The following LRRC4C variants were observed in gnomAD, a reference collection of about 807,000 sequenced individuals.
LRRC4C encodes leucine rich repeat containing 4C.
Under a neutral mutation model 33.6 loss-of-function variants are expected in LRRC4C, and 5 were observed. The observed-to-expected ratio is 0.15, with a 90% CI of 0.08 to 0.31. The LOEUF is 0.31. LRRC4C is among the 10% of genes least tolerant of loss of function. The pLI is 1.00. For missense variants in LRRC4C, 560 were observed against 796.7 expected (o/e 0.70, Z 3.58); for synonymous variants, 329 against 302.0 (o/e 1.09, Z -0.93).
At chr11:41,118,964 T>C (rs890963057) in intron 1 of LRRC4C, among the ~76,000 whole-genome samples, 1 of 152,194 alleles carries the variant, frequency 6.6e-6, no homozygotes, top group Non-Finnish European at 1.5e-5. Flanking sequence ...TCTGCTTATT[T>C]CTTTTTATTT....
intron 1 of LRRC4C, among the ~76,000 whole-genome samples, chr11:41,367,862 T>C (rs1952602240): frequency 6.6e-6 from 1 of 150,856 alleles, no homozygotes; most frequent in South Asian, 2.1e-4. Context: ...GCCTTAATGA[T>C]TCATAATCCC....
At chr11:40,413,056 C>T (rs12222498) in intron 3 of LRRC4C, among the ~76,000 whole-genome samples, 50,119 of 151,564 alleles carry the variant, frequency 0.33, 9,761 homozygotes, top group South Asian at 0.46. Context: ...TTTATTTAGG[C>T]GAATTTATCT....
chr11:41,175,023 C>A (rs1945138258), intron 1 of LRRC4C, among the ~76,000 whole-genome samples: 1 of 151,932 alleles, frequency 6.6e-6, no homozygotes, highest in Admixed American at 6.6e-5. Flanking sequence ...TATATCCTAT[C>A]AGTTACCAGG....
intron 1 of LRRC4C, among the ~76,000 whole-genome samples, chr11:41,214,374 G>T (rs1042223922): frequency 6.6e-6 from 1 of 151,804 alleles, no homozygotes; most frequent in Non-Finnish European, 1.5e-5. Context: ...ACCTTGCCTG[G>T]TTCTTAAACA....
chr11:40,826,457 A>C (rs901043960), intron 2 of LRRC4C, among the ~76,000 whole-genome samples: 1 of 151,984 alleles, frequency 6.6e-6, no homozygotes, highest in African/African-American at 2.4e-5. Flanking sequence ...ACAGTGAGAG[A>C]GATTCTGCCC....
intron 2 of LRRC4C, among the ~76,000 whole-genome samples, chr11:40,660,148 C>T (rs1261124896): frequency 6.6e-6 from 1 of 152,204 alleles, no homozygotes; most frequent in East Asian, 1.9e-4. Flanking sequence ...CCAGCCACAG[C>T]CTTACACAGA....
chr11:41,172,107 T>C (rs1945002647), intron 1 of LRRC4C, among the ~76,000 whole-genome samples: 1 of 151,952 alleles, frequency 6.6e-6, no homozygotes, highest in African/African-American at 2.4e-5. Context: ...TAGCCTAGAG[T>C]TAACAAAGGG....
intron 1 of LRRC4C, among the ~76,000 whole-genome samples, chr11:41,440,490 TA>T (rs1182425500): frequency 3.3e-5 from 5 of 152,092 alleles, no homozygotes; most frequent in Non-Finnish European, 5.9e-5. Flanking sequence ...TAAGCTTTTT[TA>T]AAAAAAGCAC....
At chr11:40,297,216 A>C (rs987631486) in intron 4 of LRRC4C, among the ~76,000 whole-genome samples, 1 of 152,208 alleles carries the variant, frequency 6.6e-6, no homozygotes, top group African/African-American at 2.4e-5. Context: ...AGGCAACTCT[A>C]TTGAAGCACA....
chr11:41,096,621 T>C (rs1940826177), intron 1 of LRRC4C, among the ~76,000 whole-genome samples: 2 of 151,258 alleles, frequency 1.3e-5, no homozygotes. Flanking sequence ...AGATAGGGAG[T>C]AAGAAAGGGA....
chr11:40,200,180 TAAAAAAAAAAAAAAA>T (rs56269292), intron 5 of LRRC4C, among the ~76,000 whole-genome samples: 3 of 26,048 alleles, frequency 1.2e-4, no homozygotes, highest in East Asian at 1.4e-3. Context: ...CTGTCTCCAC[TAAAAAAAAAAAAAAA>T]AAAAAAAAAA....
At chr11:41,153,112 G>T (rs950339595) in intron 1 of LRRC4C, among the ~76,000 whole-genome samples, 35 of 151,954 alleles carry the variant, frequency 2.3e-4, no homozygotes, top group African/African-American at 8.2e-4. Context: ...TCTTTCTCAT[G>T]CTGCTCCAAC....
intron 5 of LRRC4C, among the ~76,000 whole-genome samples, chr11:40,171,821 G>A (rs1312766102): frequency 2.6e-5 from 4 of 152,050 alleles, no homozygotes; most frequent in Admixed American, 1.3e-4. Flanking sequence ...TTATCTTTCC[G>A]TACCACCATG....
intron 1 of LRRC4C, among the ~76,000 whole-genome samples, chr11:40,965,583 AT>A: frequency 6.6e-6 from 1 of 152,166 alleles, no homozygotes; most frequent in Non-Finnish European, 1.5e-5. Flanking sequence ...AGCTTTCCAC[AT>A]ATGGCTAGCC....
chr11:40,596,178 C>A (rs1959270600), intron 3 of LRRC4C, among the ~76,000 whole-genome samples: 1 of 152,148 alleles, frequency 6.6e-6, no homozygotes, highest in Admixed American at 6.6e-5. Flanking sequence ...AACCCCACAA[C>A]TCATGGCGCA....
At chr11:41,200,541 G>C (rs1009027642) in intron 1 of LRRC4C, among the ~76,000 whole-genome samples, 1 of 151,684 alleles carries the variant, frequency 6.6e-6, no homozygotes, top group Non-Finnish European at 1.5e-5. Flanking sequence ...AATTTTTTCA[G>C]GTAATGTTAA....
chr11:40,283,222 A>G (rs1943599735), intron 4 of LRRC4C, among the ~76,000 whole-genome samples: 1 of 152,348 alleles, frequency 6.6e-6, no homozygotes, highest in Non-Finnish European at 1.5e-5. Context: ...AACTATTTTT[A>G]AAAATGAGAT....
At chr11:41,010,451 T>C (rs1855089380) in intron 1 of LRRC4C, among the ~76,000 whole-genome samples, 1 of 152,174 alleles carries the variant, frequency 6.6e-6, no homozygotes, top group Non-Finnish European at 1.5e-5. Context: ...GGCATTCAAA[T>C]GCTGAACTGA....
intron 3 of LRRC4C, among the ~76,000 whole-genome samples, chr11:40,577,185 A>C (rs1435846332): frequency 1.3e-5 from 2 of 152,198 alleles, no homozygotes; most frequent in Non-Finnish European, 2.9e-5. Flanking sequence ...CGTTTAGAAA[A>C]AGAGCAACCC....
Sources: gnomAD v4.1 joint callset for allele counts (sites outside exome capture counted in the v4.1 genomes callset) on GRCh38, gnomAD v4.1.1 for gene constraint, MANE v1.5 for transcripts, NCBI Gene and HGNC (gene_info 2026-07-23, HGNC 2026-07-21) for gene names.